The following NAT1 variants were observed in gnomAD, a reference collection of about 807,000 sequenced individuals.
NAT1 encodes arylamine N-acetyltransferase 1.
For synonymous variants in NAT1, 144 were observed against 122.6 expected (o/e 1.17, Z -1.16); for missense variants, 400 against 339.2 (o/e 1.18, Z -1.41).
chr8:18,202,366 C>T (rs571702871), intron 2 of NAT1, among the ~76,000 whole-genome samples: 1 of 152,140 alleles, frequency 6.6e-6, no homozygotes, highest in African/African-American at 2.4e-5. Flanking sequence ...GTCTAAAGCG[C>T]GAAGGGAAAC....
chr8:18,211,680 T>C (rs1804118692), intron 1 of NAT1, among the ~76,000 whole-genome samples: 1 of 152,174 alleles, frequency 6.6e-6, no homozygotes, highest in Non-Finnish European at 1.5e-5. Context: ...TGGGTGCGGC[T>C]AGTCCAGCAA....
chr8:18,170,714 C>T (rs1480458246), exon 2 of NAT1: 1 of 152,170 alleles, frequency 6.6e-6, no homozygotes, highest in African/African-American at 2.4e-5. Flanking sequence ...CTTCCAGTGA[C>T]CATCCCAGGA....
intron 2 of NAT1, among the ~76,000 whole-genome samples, chr8:18,195,190 T>C (rs1803182583): frequency 6.6e-6 from 1 of 152,186 alleles, no homozygotes; most frequent in African/African-American, 2.4e-5. Flanking sequence ...TGCTTCGCCA[T>C]GTATGCAGAA....
rs796247875 is a variant in NAT1, at chr8:18,193,631, CTTTTTTTTTT to C, written n.93-16136_93-16127del. 2.7e-3 allele frequency among the ~76,000 whole-genome samples: 153 copies of C among 57,566 alleles called. 2 individuals are homozygous for C. The highest frequency in any genetic ancestry group is 0.011 in the African/African-American group (146 of 13,784). 37.8% of individuals were successfully genotyped at this position (57,566 alleles called of 152,430 possible). The stretch of plus-strand genomic sequence containing the variant: ...TGTAATAATGCTACCTGTAAACCTG[CTTTTTTTTTT>C]TTTTTTTTTTTTTCGAGATGGACTT... On this transcript the variant is annotated intron_variant and non_coding_transcript_variant, in intron 2 of 4. Transcript: ENST00000517441.
intron 2 of NAT1, among the ~76,000 whole-genome samples, chr8:18,221,277 C>G (rs1017863441): frequency 1.3e-5 from 2 of 151,130 alleles, no homozygotes; most frequent in Non-Finnish European, 2.9e-5. Flanking sequence ...TCTCTGGCAT[C>G]CTTCAAATCT....
At chr8:18,203,035 G>C (rs184336570) in intron 2 of NAT1, among the ~76,000 whole-genome samples, 5 of 152,182 alleles carry the variant, frequency 3.3e-5, no homozygotes, top group African/African-American at 1.2e-4. Context: ...TGCTTTTACA[G>C]AGTGCTGATT....
chr8:18,199,189 C>G (rs893909364), intron 2 of NAT1, among the ~76,000 whole-genome samples: 6 of 151,720 alleles, frequency 4.0e-5, no homozygotes, highest in African/African-American at 1.5e-4. Context: ...TGGCGCACAT[C>G]TATAGTCTCA....
chr8:18,214,054 C>G (rs1057194817), intron 1 of NAT1, among the ~76,000 whole-genome samples: 4 of 152,228 alleles, frequency 2.6e-5, no homozygotes, highest in Middle Eastern at 3.4e-3. Context: ...ACCTCGTGAT[C>G]CGCCCGCCTC....
intron 2 of NAT1, among the ~76,000 whole-genome samples, chr8:18,183,996 G>A (rs1338877166): frequency 6.6e-6 from 1 of 152,154 alleles, no homozygotes; most frequent in East Asian, 1.9e-4. Flanking sequence ...CTCCCAGGCT[G>A]GCAGTGTATA....
upstream of NAT1, among the ~76,000 whole-genome samples, chr8:18,208,316 A>C (rs1470048454): frequency 6.6e-6 from 1 of 152,166 alleles, no homozygotes; most frequent in African/African-American, 2.4e-5. Flanking sequence ...AAAGGAAGTA[A>C]AAAATAAGCC....
rs752017514 is a variant in NAT1, at chr8:18,177,738, T to C, written n.92+6999T>C. Among the ~76,000 whole-genome samples the C allele has an allele frequency of 4.7e-4, 72 of 152,134 alleles. 1 individual carries two copies. Among genetic ancestry groups the C allele is most frequent in the Non-Finnish European group, 1.3e-4 (9 of 67,988 alleles). ...TTTTCCTTAGCTGGAATCAGAAGAA[T>C]AGAAGTCTTAGTTTTCAGTTTTAGA... is the stretch of plus-strand genomic sequence containing the variant. On this transcript the variant is annotated intron_variant and non_coding_transcript_variant, in intron 2 of 4. Coordinates refer to the NAT1 transcript ENST00000517441.
chr8:18,221,452 C>T (rs771079582), intron 2 of NAT1, among the ~76,000 whole-genome samples: 20 of 151,930 alleles, frequency 1.3e-4, no homozygotes, highest in Admixed American at 3.3e-4. Flanking sequence ...ATTCAATTTC[C>T]TATATATGTC....
At chr8:18,175,020 T>A (rs1052037012) in intron 2 of NAT1, among the ~76,000 whole-genome samples, 1 of 151,692 alleles carries the variant, frequency 6.6e-6, no homozygotes, top group Non-Finnish European at 1.5e-5. Flanking sequence ...AAGTTCAATA[T>A]TTCTGTATCA....
In NAT1 at chr8:18,173,146, GCACACA is replaced by G. The variant is rs3038965; in HGVS notation, n.92+2434_92+2439del. On this transcript the variant is annotated intron_variant and non_coding_transcript_variant, in intron 2 of 4. Coordinates refer to the NAT1 transcript ENST00000517441. ...TTAGAGCACACGTGCACACAGAGAT[GCACACA>G]CACACACACACACACACACACACAC... Among the ~76,000 whole-genome samples, 149 of 146,634 alleles carry G rather than the reference GCACACA, an allele frequency of 1.0e-3. 1 individual carries two copies. The highest frequency in any genetic ancestry group is 2.5e-3 in the African/African-American group (101 of 40,432).
intron 2 of NAT1, among the ~76,000 whole-genome samples, chr8:18,198,242 C>G (rs1803315286): frequency 6.6e-6 from 1 of 152,038 alleles, no homozygotes; most frequent in African/African-American, 2.4e-5. Flanking sequence ...TGTGAGGTGC[C>G]CTCTACTGAA....
At chr8:18,215,996 A>C (rs1361321330) in intron 1 of NAT1, among the ~76,000 whole-genome samples, 1 of 152,152 alleles carries the variant, frequency 6.6e-6, no homozygotes, top group East Asian at 1.9e-4. Flanking sequence ...ATCGAGAAGC[A>C]CCGTTTTCAT....
intron 2 of NAT1, among the ~76,000 whole-genome samples, chr8:18,174,225 T>C (rs1286694588): frequency 6.6e-6 from 1 of 152,160 alleles, no homozygotes; most frequent in Non-Finnish European, 1.5e-5. Flanking sequence ...AGGGAAAAGC[T>C]GTGAGGCAAG....
chr8:18,188,608 T>A (rs544039468), intron 2 of NAT1, among the ~76,000 whole-genome samples: 164 of 152,238 alleles, frequency 1.1e-3, no homozygotes, highest in Non-Finnish European at 2.0e-3. Context: ...AATTTTTCTT[T>A]AATATAAAGT....
intron 2 of NAT1, among the ~76,000 whole-genome samples, chr8:18,171,390 A>C (rs1173380449): frequency 1.3e-5 from 2 of 152,190 alleles, no homozygotes; most frequent in African/African-American, 2.4e-5. Flanking sequence ...TGCCTCCTTA[A>C]AAGATTTCTT....
Sources: allele counts gnomAD v4.1 joint callset (sites outside exome capture counted in the v4.1 genomes callset), GRCh38; gene constraint gnomAD v4.1.1; transcripts MANE v1.5; gene names NCBI Gene and HGNC (gene_info 2026-07-23, HGNC 2026-07-21).